SPTAN1: variants seen among roughly 807,000 people sequenced by gnomAD.
SPTAN1 encodes spectrin alpha, non-erythrocytic 1, also known as spectrin alpha chain, non-erythrocytic 1.
A neutral mutation model predicts 331.3 loss-of-function variants in SPTAN1; 61 were observed. The ratio of observed to expected loss-of-function variants is 0.18; its 90% CI spans 0.15 to 0.23. SPTAN1 has a LOEUF of 0.23. SPTAN1 is among the 10% of genes least tolerant of loss of function. SPTAN1 has a pLI of 1.00. For missense variants in SPTAN1, 2,043 were observed against 3,147.9 expected (o/e 0.65, Z 8.40); for synonymous variants, 1,153 against 1,173.9 (o/e 0.98, Z 0.36).
At chr9:128,604,913 C>A in intron 29 of SPTAN1, 121 bp from the exon 30 acceptor site, 1 of 1,095,172 alleles carries the variant, frequency 9.1e-7, no homozygotes, top group Non-Finnish European at 1.3e-6. Flanking sequence ...GCCTGGGTGA[C>A]AAGAATGAAA....
At position 128,593,169 on chromosome 9, in the gene SPTAN1, C is replaced by T. The variant is rs532826227; in HGVS notation, c.3215+127C>T. On this transcript the variant is annotated intron_variant, in intron 23 of 56. Coordinates refer to ENST00000372739, the MANE Select transcript of SPTAN1 (RefSeq NM_001130438.3). ...GAGGTGGTGGGAGGAACTGCCTGTC[C>T]GTGCAGCAGCTTTGGCTCACAAGGG... 1.2e-5 allele frequency: 12 copies of T among 1,020,984 alleles called. No individual in the cohort carries two copies. In the South Asian group the frequency reaches 1.4e-4, roughly 12 times the overall value. The allele number at this position is 1,020,984 out of a possible 1,614,324, so 63.2% of individuals were successfully genotyped here. A position where few individuals can be genotyped will look rare whatever the true frequency, so the allele number is the denominator to read the frequency against.
chr9:128,611,226 T>C (rs896727440), intron 37 of SPTAN1, among the ~76,000 whole-genome samples: 1 of 152,178 alleles, frequency 6.6e-6, no homozygotes, highest in Non-Finnish European at 1.5e-5. Context: ...TCCCAGAACT[T>C]TGGGAGGCCA....
intron 10 of SPTAN1, among the ~76,000 whole-genome samples, chr9:128,580,088 G>A (rs929799360): frequency 6.6e-6 from 1 of 151,992 alleles, no homozygotes; most frequent in Non-Finnish European, 1.5e-5. Context: ...CAAGGCAGGA[G>A]GATTGCTTGA....
At chr9:128,632,020 G>A (rs977905432) in intron 52 of SPTAN1, 107 bp from the exon 53 acceptor site, 16 of 1,200,640 alleles carry the variant, frequency 1.3e-5, no homozygotes, top group Non-Finnish European at 1.8e-5. Context: ...GTTTTACGAG[G>A]TCTCAGGCCA....
At chr9:128,562,619 T>A (rs576241909) in intron 1 of SPTAN1, among the ~76,000 whole-genome samples, 1 of 152,248 alleles carries the variant, frequency 6.6e-6, no homozygotes, top group African/African-American at 2.4e-5. Context: ...GTGATCCTTG[T>A]CAGGGTCCTC....
rs750333664 is a variant in SPTAN1, at chr9:128,625,185, C to T, written c.6069+6C>T. 1 of 1,614,012 alleles carries T rather than the reference C, an allele frequency of 6.2e-7. No individual in the cohort carries two copies. Among genetic ancestry groups the T allele is most frequent in the South Asian group, 1.1e-5 (1 of 91,070 alleles). Reference sequence around the variant, plus strand: ...AGACGCTCCTCACCAAACAGGTCTGCCCTGGCCCCTTCACTGGTTGAAATG... The same window carrying T: ...AGACGCTCCTCACCAAACAGGTCTGTCCTGGCCCCTTCACTGGTTGAAATG... On this transcript the variant is annotated splice_donor_region_variant and intron_variant, in intron 47 of 56. Coordinates refer to ENST00000372739, the MANE Select transcript of SPTAN1 (RefSeq NM_001130438.3). This position sits in a 1 kb window ranked among gnomAD's most constrained non-coding sequence, Gnocchi z 4.1.
intron 24 of SPTAN1, among the ~76,000 whole-genome samples, chr9:128,597,789 T>C (rs1470223150): frequency 5.3e-5 from 8 of 152,152 alleles, no homozygotes; most frequent in African/African-American, 1.9e-4. Flanking sequence ...CAGCTGGGAT[T>C]ACAGGCGCCT....
At chr9:128,566,243 A>C (rs7042981) in intron 1 of SPTAN1, among the ~76,000 whole-genome samples, 147,804 of 152,098 alleles carry the variant, frequency 0.97, 71,969 homozygotes, top group East Asian at 1. Context: ...TTTTTAGTAG[A>C]GACGGTGTTT....
At chr9:128,609,808 A>T in intron 37 of SPTAN1, 143 bp downstream of exon 37, 2 of 566,006 alleles carry the variant, frequency 3.5e-6, no homozygotes, top group South Asian at 3.2e-5. Flanking sequence ...CATCCATTAC[A>T]CTCCATTCAA....
In SPTAN1 at chr9:128,583,829, C is replaced by T. The variant is rs1242162835; in HGVS notation, c.2053C>T (p.Arg685Cys). The change falls in exon 16 of 57, where the codon CGC becomes TGC. Residue 685 changes from arginine (R) to cysteine (C), a missense_variant. This residue lies in a region of SPTAN1 where 1,038 missense variants were observed against 1,531.5 expected (regional missense o/e 0.68). Transcript: ENST00000372739. ...REANQQQQFN[R>C]NVEDIELWLY... ...AGCCAACCAGCAACAGCAATTTAAT[C>T]GCAATGTTGAGGATATTGAATTGTG... The T allele has an allele frequency of 2.5e-6, 4 of 1,614,162 alleles. No individual in the cohort carries two copies. The highest frequency in any genetic ancestry group is 1.1e-5 in the South Asian group (1 of 91,090).
rs2132111212 is a variant in SPTAN1, at chr9:128,633,023, T to TGAGTC, written c.7308+69_7308+73dup. The TGAGTC allele has an allele frequency of 2.5e-6, 4 of 1,603,096 alleles. No individual in the cohort carries two copies. In the African/African-American group the frequency reaches 4.0e-5, roughly 16 times the overall value. On this transcript the variant is annotated intron_variant, in intron 56 of 56. Transcript: ENST00000372739. The stretch of plus-strand genomic sequence containing the variant: ...ACTAAAGCCAAATTTGTGGCAGAGC[T>TGAGTC]GAGTCTGGGGTAACAGGCCCTGCGC...
chr9:128,619,992 G>T (rs1254341259), intron 44 of SPTAN1, among the ~76,000 whole-genome samples: 1 of 152,182 alleles, frequency 6.6e-6, no homozygotes, highest in Non-Finnish European at 1.5e-5. Flanking sequence ...GGACATCTCT[G>T]TTCCCCTCCA....
chr9:128,581,682 T>C, intron 11 of SPTAN1, 100 bp from the exon 12 acceptor site: 5 of 895,760 alleles, frequency 5.6e-6, no homozygotes, highest in Non-Finnish European at 9.4e-6. Flanking sequence ...AAAATCTCTT[T>C]CCTTCTTTTT....
At chr9:128,581,922 A>C (rs1424508157) in intron 12 of SPTAN1, 30 bp downstream of exon 12, 22 of 1,480,476 alleles carry the variant, frequency 1.5e-5, no homozygotes, top group Non-Finnish European at 2.1e-5. Flanking sequence ...GTGCTTTCAA[A>C]TGACCCTTAT....
chr9:128,586,642 C>G (rs184544691), intron 19 of SPTAN1, among the ~76,000 whole-genome samples: 115 of 152,018 alleles, frequency 7.6e-4, no homozygotes, highest in African/African-American at 2.6e-3. Flanking sequence ...CATACCAGTG[C>G]GCACATATAC....
At chr9:128,584,104 C>G (rs934306206) in intron 16 of SPTAN1, 135 bp downstream of exon 16, 2 of 1,427,420 alleles carry the variant, frequency 1.4e-6, no homozygotes, top group African/African-American at 2.8e-5. Flanking sequence ...CTCTGTGCTG[C>G]ATGTGCTTCT....
At position 128,587,948 on chromosome 9, in the gene SPTAN1, C is replaced by T. The variant is rs555704820; in HGVS notation, c.2871+250C>T. On this transcript the variant is annotated intron_variant, in intron 20 of 56. Coordinates refer to ENST00000372739, the MANE Select transcript of SPTAN1 (RefSeq NM_001130438.3). ...GCAACCTCCGCCTCCTGGGTTCAAG[C>T]GATTTTCCTGACTCAGCCTCCTGAG... 7.9e-5 allele frequency among the ~76,000 whole-genome samples: 12 copies of T among 151,796 alleles called. No homozygotes were observed. The South Asian group carries it at 8.4e-4, about 11-fold the overall frequency.
At chr9:128,624,085 T>TG (rs1858349005) in intron 45 of SPTAN1, among the ~76,000 whole-genome samples, 1 of 29,096 alleles carries the variant, frequency 3.4e-5, no homozygotes. Context: ...TCACTCCGTC[T>TG]CAAAAAAAAA....
In SPTAN1 at chr9:128,582,711, T is replaced by C. The variant is rs1406334272; in HGVS notation, c.1668T>C (p.Asn556=). The C allele has an allele frequency of 6.2e-7, 1 of 1,613,768 alleles. No homozygotes were observed. Among genetic ancestry groups the C allele is most frequent in the Non-Finnish European group, 8.5e-7 (1 of 1,180,028 alleles). ...TCTTTCAGCTGTTGAGCCGCCGCAATGCCCTTCACGAGAGAGCCATGCGTC... is the reference window on the plus strand; with the variant it reads ...TCTTTCAGCTGTTGAGCCGCCGCAACGCCCTTCACGAGAGAGCCATGCGTC... ...TRRDALLSRR[N]ALHERAMRRR... The change falls in exon 14 of 57, where the codon AAT becomes AAC. Residue 556 remains asparagine (N), a synonymous_variant. Transcript: ENST00000372739.
Sources: allele counts gnomAD v4.1 joint callset (sites outside exome capture counted in the v4.1 genomes callset), GRCh38; gene constraint gnomAD v4.1.1; regional missense constraint gnomAD v4.1.1; non-coding constraint Gnocchi (gnomAD v3.1); transcripts MANE v1.5; gene names NCBI Gene and HGNC (gene_info 2026-07-23, HGNC 2026-07-21).